Variants in FAT3 observed in about 807,000 individuals in gnomAD.
The protein encoded by FAT3 is protocadherin Fat 3.
A neutral mutation model predicts 310.2 loss-of-function variants in FAT3; 95 were observed. The ratio of observed to expected loss-of-function variants is 0.31; its 90% CI spans 0.26 to 0.36. The LOEUF is 0.36. Ranked by LOEUF, FAT3 falls within the 10% of genes least tolerant of loss-of-function variation. FAT3 has a pLI of 1.00. For synonymous variants in FAT3, 2,314 were observed against 2,192.9 expected (o/e 1.06, Z -1.54); for missense variants, 5,408 against 5,715.6 (o/e 0.95, Z 1.74).
intron 13 of FAT3, among the ~76,000 whole-genome samples, chr11:92,830,608 C>A: frequency 6.6e-6 from 1 of 152,106 alleles, no homozygotes; most frequent in Non-Finnish European, 1.5e-5. Context: ...TGAACTGCAG[C>A]CTCTTCTATC....
intron 4 of FAT3, among the ~76,000 whole-genome samples, chr11:92,706,215 T>C (rs1233015666): frequency 6.6e-6 from 1 of 152,222 alleles, no homozygotes; most frequent in Middle Eastern, 3.4e-3. Context: ...TTCTGAGATC[T>C]TCCCACCAGT....
Position 92,843,990 on chromosome 11 carries a change from C to T in FAT3, c.10623C>T (p.Val3541=). The T allele has an allele frequency of 6.2e-7, 1 of 1,613,790 alleles. No individual in the cohort carries two copies. Among genetic ancestry groups the T allele is most frequent in the South Asian group, 1.1e-5 (1 of 91,056 alleles). The change falls in exon 19 of 28, where the codon GTC becomes GTT. Residue 3541 remains valine, a synonymous_variant. Transcript: ENST00000525166. The part of the protein sequence containing the change: ...QVSHTYIRVR[V]IEESTHKPTA... ...CTCACACTTACATCCGCGTGCGAGT[C>T]ATTGAGGAAAGCACCCACAAGCCCA...
At chr11:92,619,045 C>A (rs539033) in intron 3 of FAT3, among the ~76,000 whole-genome samples, 85,275 of 151,896 alleles carry the variant, frequency 0.56, 25,354 homozygotes, top group African/African-American at 0.76. Context: ...TGTTTTAATC[C>A]TGAAAGGGTT....
At chr11:92,259,372 G>A (rs1180983394) in intron 1 of FAT3, among the ~76,000 whole-genome samples, 2 of 152,044 alleles carry the variant, frequency 1.3e-5, no homozygotes, top group Admixed American at 1.3e-4. Flanking sequence ...TATTTGTGAA[G>A]AGGCAGAAGA....
intron 1 of FAT3, among the ~76,000 whole-genome samples, chr11:92,346,918 C>T (rs189273471): frequency 6.6e-6 from 1 of 152,184 alleles, no homozygotes; most frequent in Admixed American, 6.5e-5. Context: ...ATTTTACTCC[C>T]TGTCTTGTGA....
rs560053516 is a variant in FAT3, at chr11:92,667,319, A to G, written c.3608-30065A>G. ...TGTGGAGTTCTTTCCTGTGCCTGGCAAGTGGGATGAGGTAGGTGCTTCTTG... is the reference window on the plus strand; with the variant it reads ...TGTGGAGTTCTTTCCTGTGCCTGGCGAGTGGGATGAGGTAGGTGCTTCTTG... On this transcript the variant is annotated intron_variant, in intron 3 of 27. Transcript: ENST00000525166. Among the ~76,000 whole-genome samples the G allele has an allele frequency of 7.2e-5, 11 of 152,174 alleles. No homozygotes were observed. The South Asian group carries it at 2.3e-3, about 32-fold the overall frequency.
At chr11:92,367,402 C>T (rs1949055180) in intron 2 of FAT3, among the ~76,000 whole-genome samples, 1 of 152,048 alleles carries the variant, frequency 6.6e-6, no homozygotes, top group South Asian at 2.1e-4. Flanking sequence ...TCAAGATCGA[C>T]CTGGGCAATA....
At chr11:92,583,036 A>G (rs1165242955) in intron 3 of FAT3, among the ~76,000 whole-genome samples, 1 of 151,732 alleles carries the variant, frequency 6.6e-6, no homozygotes, top group East Asian at 1.9e-4. Context: ...GGTTTCCTTT[A>G]TTAGACTATT....
chr11:92,566,498 G>A (rs2135487859), intron 3 of FAT3, among the ~76,000 whole-genome samples: 1 of 151,808 alleles, frequency 6.6e-6, no homozygotes, highest in South Asian at 2.1e-4. Context: ...TCCCCATCAA[G>A]CTACCAATGA....
intron 3 of FAT3, among the ~76,000 whole-genome samples, chr11:92,555,945 T>G (rs373143906): frequency 6.6e-6 from 1 of 152,220 alleles, no homozygotes; most frequent in African/African-American, 2.4e-5. Context: ...AAGGTAAGCA[T>G]AAACCTTAAC....
chr11:92,889,959 C>T (rs1426772917), intron 27 of FAT3, 68 bp downstream of exon 27: 1 of 717,470 alleles, frequency 1.4e-6, no homozygotes, highest in African/African-American at 1.7e-5. Flanking sequence ...TCATTCTTAC[C>T]CTGTTCCTGT....
At chr11:92,598,949 A>G (rs371043822) in intron 3 of FAT3, among the ~76,000 whole-genome samples, 1 of 152,178 alleles carries the variant, frequency 6.6e-6, no homozygotes, top group East Asian at 1.9e-4. Context: ...AGCTCCTCTC[A>G]TAATCGTTTT....
intron 3 of FAT3, among the ~76,000 whole-genome samples, chr11:92,643,173 T>C (rs925549344): frequency 1.3e-5 from 2 of 152,314 alleles, no homozygotes; most frequent in African/African-American, 4.8e-5. Flanking sequence ...TGAAAATCTT[T>C]GTTCTTTCTA....
intron 2 of FAT3, among the ~76,000 whole-genome samples, chr11:92,405,565 T>C (rs1307299817): frequency 1.3e-5 from 2 of 152,184 alleles, no homozygotes; most frequent in African/African-American, 4.8e-5. Context: ...GAGACCAGCC[T>C]GGGCAACATA....
chr11:92,731,543 GGC>G (rs1360182937), intron 4 of FAT3, among the ~76,000 whole-genome samples: 1 of 152,036 alleles, frequency 6.6e-6, no homozygotes, highest in African/African-American at 2.4e-5. Flanking sequence ...AACAAGGAGT[GGC>G]AGCATCATTC....
intron 1 of FAT3, among the ~76,000 whole-genome samples, chr11:92,329,701 C>G (rs1468850752): frequency 2.8e-3 from 1 of 358 alleles, no homozygotes; most frequent in Non-Finnish European, 7.6e-3. Flanking sequence ...TTGTGTTCCA[C>G]TTAGCTTTTA....
chr11:92,355,111 AT>A lies in FAT3; in HGVS notation c.3000del (p.Tyr1000Ter). 1 of 1,613,818 alleles carries A rather than the reference AT, an allele frequency of 6.2e-7. No individual in the cohort carries two copies. On this transcript the variant is annotated frameshift_variant, in exon 2 of 28. Coordinates refer to ENST00000525166, the MANE Select transcript of FAT3 (RefSeq NM_001367949.2). LOFTEE classifies it high-confidence loss of function. Reference sequence around the variant, plus strand: ...ATCCGCTTGAGCAAAGAGCTTGATTATGAGAAACAGCAGTTCTATAACCTTA... The same window carrying A: ...ATCCGCTTGAGCAAAGAGCTTGATTAGAGAAACAGCAGTTCTATAACCTTA... ...GAIRLSKELD[Y>X]EKQQFYNLTV...
intron 2 of FAT3, among the ~76,000 whole-genome samples, chr11:92,442,820 T>A (rs1415010462): frequency 6.6e-6 from 1 of 152,200 alleles, no homozygotes; most frequent in Admixed American, 6.5e-5. Context: ...CATTTTTTTT[T>A]ATGCTACCTA....
intron 3 of FAT3, among the ~76,000 whole-genome samples, chr11:92,639,399 AG>A (rs1254927262): frequency 6.6e-6 from 1 of 152,220 alleles, no homozygotes; most frequent in Non-Finnish European, 1.5e-5. Flanking sequence ...TCCATAGTTC[AG>A]GGAGCATCAC....
Sources: allele counts gnomAD v4.1 joint callset (sites outside exome capture counted in the v4.1 genomes callset), GRCh38; gene constraint gnomAD v4.1.1; transcripts MANE v1.5; gene names NCBI Gene and HGNC (gene_info 2026-07-23, HGNC 2026-07-21).